Variants in SLC9A8 observed in about 807,000 individuals in gnomAD.
SLC9A8 encodes the protein sodium/hydrogen exchanger 8.
A neutral mutation model predicts 66.6 loss-of-function variants in SLC9A8; 48 were observed. That is an observed-to-expected ratio of 0.72 (90% CI 0.57 to 0.92). SLC9A8 has a LOEUF of 0.92. Ranked by LOEUF, SLC9A8 falls within the 40% of genes least tolerant of loss-of-function variation. The pLI is 0.00. For synonymous variants in SLC9A8, 274 were observed against 282.6 expected (o/e 0.97, Z 0.31); for missense variants, 599 against 747.3 (o/e 0.80, Z 2.31).
In SLC9A8 at chr20:49,834,195, A is replaced by C. The variant is rs1317757382; in HGVS notation, c.290-5346A>C. ...TCTCTCTCTCTCTCTCTATATATAT[A>C]TATATATATATATATATATACACAC... On this transcript the variant is annotated intron_variant, in intron 3 of 15. Coordinates refer to ENST00000361573, the MANE Select transcript of SLC9A8 (RefSeq NM_015266.3). Among the ~76,000 whole-genome samples the C allele has an allele frequency of 4.0e-3, 357 of 90,234 alleles. 2 individuals carry two copies. The highest frequency in any genetic ancestry group is 8.2e-3 in the South Asian group (25 of 3,044). 59.2% of individuals were successfully genotyped at this position (90,234 alleles called of 152,430 possible). A position where few individuals can be genotyped will look rare whatever the true frequency, so the allele number is the denominator to read the frequency against.
chr20:49,850,892 G>C lies in SLC9A8; in HGVS notation c.569+48G>C, dbSNP rs750538154. 9.8e-6 allele frequency: 14 copies of C among 1,425,768 alleles called. No individual in the cohort carries two copies. In the Admixed American group the frequency reaches 2.7e-4, roughly 27 times the overall value. The allele number at this position is 1,425,768 out of a possible 1,614,324, so 88.3% of individuals were successfully genotyped here. ...CCCATGCGACTGCTTTTCAGACAGG[G>C]GAAATGTTTCTCCACATTGCTTCCT... On this transcript the variant is annotated intron_variant, in intron 7 of 15. Coordinates refer to ENST00000361573, the MANE Select transcript of SLC9A8 (RefSeq NM_015266.3).
chr20:49,855,552 C>CA lies in SLC9A8; in HGVS notation c.686dup (p.Asn229LysfsTer13). 6.2e-7 allele frequency: 1 copy of CA among 1,614,154 alleles called. No homozygotes were observed. Among genetic ancestry groups the CA allele is most frequent in the South Asian group, 1.1e-5 (1 of 91,080 alleles). ...TGCTGGTCTTTGGAGAAAGTATTCT[C>CA]AACGATGCAGTCTCCATTGTTCTGA... On this transcript the variant is annotated frameshift_variant, in exon 8 of 16. Transcript: ENST00000361573. LOFTEE classifies it high-confidence loss of function.
Position 49,847,534 on chromosome 20 carries a change from T to C in SLC9A8, c.433-2045T>C, listed in dbSNP as rs192031063. ...GACTGATAGGATTATGAAATGCTAC[T>C]TCTGAAACTTCTATCCACTTTCTAC... On this transcript the variant is annotated intron_variant, in intron 5 of 15. Transcript: ENST00000361573. Among the ~76,000 whole-genome samples, 597 of 152,286 alleles carry C rather than the reference T, an allele frequency of 3.9e-3. 6 individuals carry two copies. Among genetic ancestry groups the C allele is most frequent in the African/African-American group, 0.014 (574 of 41,556 alleles).
chr20:49,864,780 G>A lies in SLC9A8; in HGVS notation c.894G>A (p.Glu298=). 1 of 1,614,180 alleles carries A rather than the reference G, an allele frequency of 6.2e-7. No individual in the cohort carries two copies. Among genetic ancestry groups the A allele is most frequent in the Non-Finnish European group, 8.5e-7 (1 of 1,180,006 alleles). Residue 298 remains glutamate, a synonymous_variant, in exon 10 of 16, where the codon GAG becomes GAA. Coordinates refer to ENST00000361573, the MANE Select transcript of SLC9A8 (RefSeq NM_015266.3). Reference sequence around the variant, plus strand: ...ACTTGAGGAAAACGCCTTCCTTGGAGTTTGGCATGATGATCATTTTTGCTT... The same window carrying A: ...ACTTGAGGAAAACGCCTTCCTTGGAATTTGGCATGATGATCATTTTTGCTT... ...HIDLRKTPSL[E]FGMMIIFAYL...
At chr20:49,847,907 G>GTTTTTTTT (rs3091810) in intron 5 of SLC9A8, among the ~76,000 whole-genome samples, 8 of 115,174 alleles carry the variant, frequency 6.9e-5, no homozygotes, top group South Asian at 2.8e-4. Context: ...TGATTAATCT[G>GTTTTTTTT]TTTTTTTTTT....
chr20:49,884,223 C>CACACACACACG (rs2089746944), intron 14 of SLC9A8, 157 bp downstream of exon 14: 122 of 243,398 alleles, frequency 5.0e-4, no homozygotes, highest in South Asian at 1.0e-3. Context: ...CACACACACA[C>CACACACACACG]ACACACACAC....
chr20:49,836,477 A>T (rs1011433857), intron 3 of SLC9A8, among the ~76,000 whole-genome samples: 1 of 152,030 alleles, frequency 6.6e-6, no homozygotes, highest in African/African-American at 2.4e-5. Context: ...CTGCAGGTGC[A>T]TACCACCATG....
intron 3 of SLC9A8, among the ~76,000 whole-genome samples, chr20:49,834,291 T>TAC (rs35799113): frequency 7.0e-6 from 1 of 142,018 alleles, no homozygotes; most frequent in Non-Finnish European, 1.5e-5. Flanking sequence ...TATATGTATA[T>TAC]ACACACACTA....
intron 4 of SLC9A8, among the ~76,000 whole-genome samples, chr20:49,844,474 C>T (rs536306426): frequency 1.3e-5 from 2 of 152,126 alleles, no homozygotes; most frequent in South Asian, 2.1e-4. Context: ...TGTTTCTTTT[C>T]ACTGATCACC....
At chr20:49,853,623 C>T (rs2088342491) in intron 7 of SLC9A8, among the ~76,000 whole-genome samples, 1 of 152,194 alleles carries the variant, frequency 6.6e-6, no homozygotes, top group African/African-American at 2.4e-5. Context: ...AGTGGAGTTA[C>T]CTTCCCTTTC....
In SLC9A8 at chr20:49,888,259, G is replaced by C; in HGVS notation, c.*323G>C. The C allele has an allele frequency of 3.2e-6, 1 of 308,930 alleles. No individual in the cohort carries two copies. The highest frequency in any genetic ancestry group is 6.3e-6 in the Non-Finnish European group (1 of 159,844). The allele number at this position is 308,930 out of a possible 1,614,324, so 19.1% of individuals were successfully genotyped here. On this transcript the variant is annotated 3_prime_UTR_variant, in exon 16 of 16. Coordinates refer to ENST00000361573, the MANE Select transcript of SLC9A8 (RefSeq NM_015266.3). ...AGCTAGGGCGCCTACCCCCCCACCCGGAGGACCCCTGCGGCCCCCTGCCTA... is the reference window on the plus strand; with the variant it reads ...AGCTAGGGCGCCTACCCCCCCACCCCGAGGACCCCTGCGGCCCCCTGCCTA...
intron 7 of SLC9A8, among the ~76,000 whole-genome samples, chr20:49,852,913 G>A (rs1385569018): frequency 6.6e-6 from 1 of 152,096 alleles, no homozygotes; most frequent in African/African-American, 2.4e-5. Flanking sequence ...ACCCGTGACA[G>A]CCTCAGGAGG....
At chr20:49,837,663 G>A (rs1338079683) in intron 3 of SLC9A8, among the ~76,000 whole-genome samples, 3 of 152,078 alleles carry the variant, frequency 2.0e-5, no homozygotes, top group Non-Finnish European at 4.4e-5. Context: ...TCTGCCTCCT[G>A]GGTTCAAGTG....
chr20:49,861,542 C>T (rs975307928), intron 8 of SLC9A8, among the ~76,000 whole-genome samples: 3 of 151,706 alleles, frequency 2.0e-5, no homozygotes, highest in Non-Finnish European at 4.4e-5. Context: ...GACCCTGTCT[C>T]AAAAACAAAA....
intron 10 of SLC9A8, among the ~76,000 whole-genome samples, chr20:49,868,703 G>T (rs1038650033): frequency 2.6e-5 from 4 of 152,118 alleles, no homozygotes; most frequent in Non-Finnish European, 5.9e-5. Context: ...TCAGATTACA[G>T]ACTTAACCAC....
Position 49,869,769 on chromosome 20 carries a change from G to C in SLC9A8, c.958+4925G>C, listed in dbSNP as rs543341794. The stretch of plus-strand genomic sequence containing the variant: ...AATTGCTTGAACCAGGGAAGCAGAG[G>C]TTGCAGTGAGCCGAGATCCTGCCAC... On this transcript the variant is annotated intron_variant, in intron 10 of 15. Transcript: ENST00000361573. 3.3e-5 allele frequency among the ~76,000 whole-genome samples: 5 copies of C among 152,056 alleles called. No homozygotes were observed. In the South Asian group the frequency reaches 1.0e-3, roughly 32 times the overall value.
chr20:49,827,131 AG>A (rs1427377805), intron 3 of SLC9A8, among the ~76,000 whole-genome samples: 1 of 151,374 alleles, frequency 6.6e-6, no homozygotes, highest in African/African-American at 2.4e-5. Flanking sequence ...TAGTGGAGAC[AG>A]GGTTTCACCA....
At chr20:49,882,145 C>G (rs1005434548) in intron 13 of SLC9A8, among the ~76,000 whole-genome samples, 4 of 152,206 alleles carry the variant, frequency 2.6e-5, no homozygotes, top group Non-Finnish European at 5.9e-5. Context: ...ACACCAGCAA[C>G]TTCAGCCAGA....
intron 3 of SLC9A8, among the ~76,000 whole-genome samples, chr20:49,836,492 G>C (rs2087541346): frequency 6.6e-6 from 1 of 152,010 alleles, no homozygotes; most frequent in Non-Finnish European, 1.5e-5. Flanking sequence ...ACCATGCGCA[G>C]ATAATTTTTG....
Sources: gnomAD v4.1 joint callset for allele counts (sites outside exome capture counted in the v4.1 genomes callset) on GRCh38, gnomAD v4.1.1 for gene constraint, MANE v1.5 for transcripts, NCBI Gene and HGNC (gene_info 2026-07-23, HGNC 2026-07-21) for gene names.